SOX5: variants seen among roughly 807,000 people sequenced by gnomAD.
SOX5 encodes SRY-box transcription factor 5, also known as transcription factor SOX-5.
Under a neutral mutation model 92.0 loss-of-function variants are expected in SOX5, and 9 were observed. That is an observed-to-expected ratio of 0.10 (90% confidence interval 0.06 to 0.17). The LOEUF is 0.17. SOX5 is among the 10% of genes least tolerant of loss of function. The probability of loss-of-function intolerance (pLI) is 1.00; values close to 1 mark genes in which losing one functional copy is unlikely to be tolerated. For synonymous variants in SOX5, 344 were observed against 336.3 expected (o/e 1.02, Z -0.25); for missense variants, 642 against 944.5 (o/e 0.68, Z 4.20).
chr12:23,914,736 T>C (rs1201144074), intron 1 of SOX5, among the ~76,000 whole-genome samples: 1 of 152,204 alleles, frequency 6.6e-6, no homozygotes, highest in Non-Finnish European at 1.5e-5. Context: ...TTCATTTTTA[T>C]CTTCTTCCAA....
At chr12:23,907,640 A>C (rs1372341236) in intron 1 of SOX5, among the ~76,000 whole-genome samples, 1 of 152,072 alleles carries the variant, frequency 6.6e-6, no homozygotes, top group Non-Finnish European at 1.5e-5. Context: ...ATATATGGGA[A>C]TGTTTGTAAT....
intron 4 of SOX5, among the ~76,000 whole-genome samples, chr12:24,091,291 C>T (rs761123683): frequency 8.6e-5 from 13 of 151,994 alleles, no homozygotes; most frequent in Non-Finnish European, 1.3e-4. Context: ...AACCAAGTTA[C>T]GATATATTAT....
chr12:24,126,744 G>A (rs1302590035), intron 4 of SOX5, among the ~76,000 whole-genome samples: 1 of 152,066 alleles, frequency 6.6e-6, no homozygotes, highest in Non-Finnish European at 1.5e-5. Context: ...CGAGCTGCAG[G>A]TGCTCTCCAC....
chr12:23,900,815 C>T (rs2137936516), intron 1 of SOX5, among the ~76,000 whole-genome samples: 1 of 152,138 alleles, frequency 6.6e-6, no homozygotes, highest in East Asian at 1.9e-4. Flanking sequence ...AAAAAATTAG[C>T]CGGGTGTGGT....
intron 1 of SOX5, among the ~76,000 whole-genome samples, chr12:24,496,084 A>G (rs997258939): frequency 6.6e-6 from 1 of 152,216 alleles, no homozygotes. Flanking sequence ...ATAACTAAAC[A>G]GAGTTGAAGA....
chr12:24,475,043 G>T (rs1945215145), intron 1 of SOX5, among the ~76,000 whole-genome samples: 1 of 151,952 alleles, frequency 6.6e-6, no homozygotes, highest in Non-Finnish European at 1.5e-5. Flanking sequence ...TAGAGATGGG[G>T]TTTCACCATG....
In SOX5 at chr12:24,388,932, T is replaced by C. The variant is rs927637733; in HGVS notation, c.-250-20293A>G. The stretch of plus-strand genomic sequence containing the variant: ...AAGTTTTCAAGGTTCATCTACATTG[T>C]AGCATGTATCAATATATTATTTTTA... On this transcript the variant is annotated intron_variant, in intron 1 of 4. Coordinates refer to the SOX5 transcript ENST00000446891. Among the ~76,000 whole-genome samples, 11 of 152,294 alleles carry C rather than the reference T, an allele frequency of 7.2e-5. No individual in the cohort carries two copies. The East Asian group carries it at 2.1e-3, about 29-fold the overall frequency.
intron 1 of SOX5, among the ~76,000 whole-genome samples, chr12:24,485,009 T>C (rs1164266989): frequency 6.6e-6 from 1 of 152,090 alleles, no homozygotes; most frequent in Non-Finnish European, 1.5e-5. Context: ...ATCCAGGAGT[T>C]GGAATTTAAG....
intron 10 of SOX5, among the ~76,000 whole-genome samples, chr12:23,573,121 A>G (rs1948617045): frequency 1.3e-5 from 2 of 151,842 alleles, no homozygotes; most frequent in Non-Finnish European, 2.9e-5. Context: ...ATATCTATAC[A>G]TGTCTTTTGC....
rs1329554113 is a variant in SOX5 at position 23,893,306 on chromosome 12, C to A, written c.270+2487G>T. Among the ~76,000 whole-genome samples the A allele has an allele frequency of 2.0e-5, 3 of 152,064 alleles. No individual in the cohort carries two copies. The East Asian group carries it at 5.8e-4, about 29-fold the overall frequency. ...ATTAAAAATATAAAAATTAGCTGGG[C>A]TTGGTGGCGGGGGCCTGTAATCCCA... On this transcript the variant is annotated intron_variant, in intron 2 of 14. Transcript: ENST00000451604.
intron 4 of SOX5, among the ~76,000 whole-genome samples, chr12:24,210,407 T>C (rs1958477868): frequency 6.6e-6 from 1 of 152,216 alleles, no homozygotes; most frequent in Non-Finnish European, 1.5e-5. Context: ...AATTGATTTG[T>C]TTCAACTACT....
intron 2 of SOX5, among the ~76,000 whole-genome samples, chr12:23,863,779 C>A (rs4963720): frequency 6.7e-6 from 1 of 148,236 alleles, no homozygotes; most frequent in South Asian, 2.1e-4. Context: ...TCCTAAATAA[C>A]ATTTTAAACA....
chr12:24,511,273 T>C (rs1245101200), intron 1 of SOX5, among the ~76,000 whole-genome samples: 2 of 152,210 alleles, frequency 1.3e-5, no homozygotes, highest in African/African-American at 4.8e-5. Flanking sequence ...ATGCATATGG[T>C]TTTTAATTTT....
intron 9 of SOX5, among the ~76,000 whole-genome samples, chr12:23,581,198 A>C (rs1489244502): frequency 6.6e-6 from 1 of 152,022 alleles, no homozygotes; most frequent in East Asian, 1.9e-4. Context: ...TTTGTTAAGG[A>C]GTTTTAATAG....
chr12:24,513,757 T>C (rs1367872254), intron 1 of SOX5, among the ~76,000 whole-genome samples: 1 of 152,252 alleles, frequency 6.6e-6, no homozygotes, highest in Non-Finnish European at 1.5e-5. Context: ...GTTCCTCTTA[T>C]ACTCTCACAG....
chr12:24,265,880 GACC>G (rs931072278), intron 3 of SOX5, among the ~76,000 whole-genome samples: 14 of 151,948 alleles, frequency 9.2e-5, no homozygotes, highest in African/African-American at 3.4e-4. Context: ...CATCATACAC[GACC>G]ACCACAATTT....
At chr12:23,706,042 TTAAG>T (rs146546199) in intron 6 of SOX5, among the ~76,000 whole-genome samples, 2,425 of 152,150 alleles carry the variant, frequency 0.016, 57 homozygotes, top group African/African-American at 0.055. Context: ...TTTTATTGCT[TTAAG>T]TGAGATTAAT....
chr12:24,133,085 A>G (rs1284210365), intron 4 of SOX5, among the ~76,000 whole-genome samples: 1 of 152,260 alleles, frequency 6.6e-6, no homozygotes, highest in Non-Finnish European at 1.5e-5. Context: ...GCAGTAAAAA[A>G]TAACAATAGG....
intron 2 of SOX5, among the ~76,000 whole-genome samples, chr12:24,281,536 C>T (rs917205500): frequency 1.5e-4 from 23 of 152,190 alleles, no homozygotes; most frequent in Non-Finnish European, 3.2e-4. Flanking sequence ...CAAATTTGTG[C>T]CACATAAATA....
Sources: gnomAD v4.1 joint callset for allele counts (sites outside exome capture counted in the v4.1 genomes callset) on GRCh38, gnomAD v4.1.1 for gene constraint, MANE v1.5 for transcripts, NCBI Gene and HGNC (gene_info 2026-07-23, HGNC 2026-07-21) for gene names.